GPC5: variants seen among roughly 807,000 people sequenced by gnomAD.
GPC5 encodes the protein glypican 5, also known as glypican-5.
In GPC5, 47 loss-of-function variants were observed where a neutral mutation model predicts 53.9. The observed-to-expected ratio is 0.87, with a 90% CI of 0.69 to 1.11. The LOEUF is 1.11. Among genes scored for constraint, GPC5 ranks in the 50% most tolerant of loss-of-function variants. The pLI, the probability that GPC5 is intolerant of heterozygous loss-of-function variation, is 0.00. For synonymous variants in GPC5, 286 were observed against 263.3 expected (o/e 1.09, Z -0.84); for missense variants, 748 against 713.1 (o/e 1.05, Z -0.56).
At chr13:91,819,095 T>C (rs983832521) in intron 5 of GPC5, among the ~76,000 whole-genome samples, 7 of 150,690 alleles carry the variant, frequency 4.6e-5, no homozygotes, top group Non-Finnish European at 1.0e-4. Flanking sequence ...CTGTCAGATG[T>C]AAGCAATATC....
At chr13:91,776,872 C>T (rs1246893517) in intron 5 of GPC5, among the ~76,000 whole-genome samples, 1 of 152,146 alleles carries the variant, frequency 6.6e-6, no homozygotes, top group African/African-American at 2.4e-5. Flanking sequence ...AATTTCAATC[C>T]AGTGCCTGTC....
intron 7 of GPC5, among the ~76,000 whole-genome samples, chr13:92,425,024 A>T (rs1876769148): frequency 6.6e-6 from 1 of 152,024 alleles, no homozygotes. Context: ...GTTACACCAA[A>T]GTGCATCTCC....
chr13:92,784,671 G>A (rs555649943), intron 7 of GPC5, among the ~76,000 whole-genome samples: 1 of 152,066 alleles, frequency 6.6e-6, no homozygotes, highest in Non-Finnish European at 1.5e-5. Flanking sequence ...CACTCAATAT[G>A]GAAGAAAGTT....
In GPC5 at chr13:92,232,980, C is replaced by T. The variant is rs548501286; in HGVS notation, c.1561+87991C>T. 1.6e-4 allele frequency among the ~76,000 whole-genome samples: 25 copies of T among 152,282 alleles called. No individual in the cohort carries two copies. In the South Asian group the frequency reaches 2.7e-3, roughly 16 times the overall value. Reference sequence around the variant, plus strand: ...GGTGTTCTTTCAAAAATTACTTGAACAAAATCGAGCATTTCTATCATATGT... The same window carrying T: ...GGTGTTCTTTCAAAAATTACTTGAATAAAATCGAGCATTTCTATCATATGT... On this transcript the variant is annotated intron_variant, in intron 7 of 7. Transcript: ENST00000377067.
chr13:92,633,249 TG>T (rs1370145706), intron 7 of GPC5, among the ~76,000 whole-genome samples: 1 of 152,122 alleles, frequency 6.6e-6, no homozygotes, highest in Non-Finnish European at 1.5e-5. Flanking sequence ...TGAGAACGTG[TG>T]GGAATTGTGG....
At chr13:92,854,451 G>A (rs1878928831) in intron 7 of GPC5, among the ~76,000 whole-genome samples, 2 of 150,876 alleles carry the variant, frequency 1.3e-5, no homozygotes, top group Non-Finnish European at 3.0e-5. Context: ...ATTCCTTTAA[G>A]AAGTTAGAAA....
intron 3 of GPC5, among the ~76,000 whole-genome samples, chr13:91,699,279 G>T (rs1263683757): frequency 6.6e-6 from 1 of 152,112 alleles, no homozygotes; most frequent in African/African-American, 2.4e-5. Context: ...ATGTTTTGGT[G>T]GGGGAGCTTT....
At chr13:92,038,668 A>G (rs1402582895) in intron 6 of GPC5, among the ~76,000 whole-genome samples, 1 of 122,182 alleles carries the variant, frequency 8.2e-6, no homozygotes, top group African/African-American at 2.9e-5. Context: ...TTTAGTACAA[A>G]TCTATATAGA....
In GPC5 at chr13:92,787,667, C is replaced by CAAAAAAAAAAAAAAAAAAAAAAAAAAA. The variant is rs71202562; in HGVS notation, c.1562-78599_1562-78598insAAAAAAAAAAAAAAAAAAAAAAAAAAA. On this transcript the variant is annotated intron_variant, in intron 7 of 7. Coordinates refer to ENST00000377067, the MANE Select transcript of GPC5 (RefSeq NM_004466.6). ...GGGCAACAGAGAGACCTCATAGCTA[C>CAAAAAAAAAAAAAAAAAAAAAAAAAAA]AAAAAAAAAAAAAAAAGAAAAGAAA... 1.8e-4 allele frequency among the ~76,000 whole-genome samples: 10 copies of CAAAAAAAAAAAAAAAAAAAAAAAAAAA among 56,232 alleles called. No individual in the cohort carries two copies. In the East Asian group the frequency reaches 4.8e-3, roughly 27 times the overall value. 36.9% of individuals were successfully genotyped at this position (56,232 alleles called of 152,430 possible). A position where few individuals can be genotyped will look rare whatever the true frequency, so the allele number is the denominator to read the frequency against.
chr13:91,960,090 A>G (rs766596507), intron 6 of GPC5, among the ~76,000 whole-genome samples: 22 of 151,994 alleles, frequency 1.4e-4, no homozygotes, highest in Non-Finnish European at 2.4e-4. Context: ...ATCAGGCAAG[A>G]AAAAGAAATA....
chr13:92,153,459 A>G (rs2041921446), intron 7 of GPC5, among the ~76,000 whole-genome samples: 1 of 152,178 alleles, frequency 6.6e-6, no homozygotes, highest in African/African-American at 2.4e-5. Flanking sequence ...TTACCAAAGT[A>G]TAGTATTCTA....
In GPC5 at chr13:92,214,834, G is replaced by A. The variant is rs112114557; in HGVS notation, c.1561+69845G>A. 9.1e-3 allele frequency among the ~76,000 whole-genome samples: 1,390 copies of A among 152,304 alleles called. 22 individuals are homozygous for A. Among genetic ancestry groups the A allele is most frequent in the African/African-American group, 0.032 (1,310 of 41,566 alleles). Reference sequence around the variant, plus strand: ...CAGTCATAAAGGTCCTTACAATGTGGGAGAGAGAGAAGAGACAGACAGCTC... The same window carrying A: ...CAGTCATAAAGGTCCTTACAATGTGAGAGAGAGAGAAGAGACAGACAGCTC... On this transcript the variant is annotated intron_variant, in intron 7 of 7. Coordinates refer to ENST00000377067, the MANE Select transcript of GPC5 (RefSeq NM_004466.6).
At chr13:92,168,700 G>A (rs1477139976) in intron 7 of GPC5, among the ~76,000 whole-genome samples, 1 of 152,180 alleles carries the variant, frequency 6.6e-6, no homozygotes, top group Admixed American at 6.5e-5. Context: ...TGGCAAGGCT[G>A]TGTGGAAATA....
At chr13:92,485,460 G>A (rs1206377531) in intron 7 of GPC5, among the ~76,000 whole-genome samples, 2 of 151,760 alleles carry the variant, frequency 1.3e-5, no homozygotes, top group East Asian at 3.9e-4. Flanking sequence ...AATGTATTTT[G>A]TCTTTAAGAT....
chr13:91,970,250 C>T (rs1333971990), intron 6 of GPC5, among the ~76,000 whole-genome samples: 3 of 152,010 alleles, frequency 2.0e-5, no homozygotes, highest in East Asian at 1.9e-4. Context: ...AGTAGAGAGT[C>T]GATTGCTGAT....
chr13:91,548,962 T>C (rs1433697909), intron 2 of GPC5, among the ~76,000 whole-genome samples: 2 of 152,106 alleles, frequency 1.3e-5, no homozygotes, highest in African/African-American at 4.8e-5. Flanking sequence ...AAGTGGATCA[T>C]AGACGTAAGT....
intron 4 of GPC5, among the ~76,000 whole-genome samples, chr13:91,730,015 G>A (rs1042986960): frequency 1.3e-5 from 2 of 152,102 alleles, no homozygotes; most frequent in Non-Finnish European, 1.5e-5. Flanking sequence ...CACCAATCTT[G>A]CAAACTCATT....
At chr13:92,142,628 A>G (rs970915010) in intron 6 of GPC5, among the ~76,000 whole-genome samples, 4 of 152,204 alleles carry the variant, frequency 2.6e-5, no homozygotes, top group African/African-American at 4.8e-5. Context: ...ATTTCTTAAA[A>G]TAGTAAGTTT....
chr13:92,131,178 A>G (rs1313100821), intron 6 of GPC5, among the ~76,000 whole-genome samples: 1 of 152,000 alleles, frequency 6.6e-6, no homozygotes, highest in Non-Finnish European at 1.5e-5. Flanking sequence ...AATGACCGAT[A>G]ATATCAAGGG....
Sources: gnomAD v4.1 joint callset for allele counts (sites outside exome capture counted in the v4.1 genomes callset) on GRCh38, gnomAD v4.1.1 for gene constraint, MANE v1.5 for transcripts, NCBI Gene and HGNC (gene_info 2026-07-23, HGNC 2026-07-21) for gene names.